The following CHAF1A variants were observed in gnomAD, a reference collection of about 807,000 sequenced individuals.
CHAF1A encodes the protein chromatin assembly factor 1 subunit A, also known as CAF-1 subunit A.
Under a neutral mutation model 93.2 loss-of-function variants are expected in CHAF1A, and 5 were observed. The observed-to-expected ratio is 0.05, with a 90% CI of 0.03 to 0.11. The LOEUF (loss-of-function observed/expected upper bound fraction) is 0.11, where lower values mean the gene tolerates loss of function less well. CHAF1A is among the 10% of genes least tolerant of loss of function. The probability of loss-of-function intolerance (pLI) is 1.00; values close to 1 mark genes in which losing one functional copy is unlikely to be tolerated. For missense variants in CHAF1A, 1,102 were observed against 1,259.9 expected, an observed-to-expected ratio of 0.87 and a Z score of 1.90; for synonymous variants, 504 against 510.3, an observed-to-expected ratio of 0.99 and a Z score of 0.17.
At chr19:4,450,221 CA>C in the CHAF1A span, 2,849 of 49,180 alleles carry the variant, frequency 0.058, 69 homozygotes, top group African/African-American at 0.17. Context: ...GACTCTGTCT[CA>C]AAAAAAAAAA....
downstream of CHAF1A, chr19:4,446,109 C>T (rs1974508466): frequency 6.2e-7 from 1 of 1,612,752 alleles, no homozygotes; most frequent in Middle Eastern, 1.7e-4. Context: ...CTCCCGAGGC[C>T]AGCAGCTCAA....
At chr19:4,447,855 G>A (rs1014018772), downstream of CHAF1A, 12 of 565,116 alleles carry the variant, frequency 2.1e-5, no homozygotes, top group African/African-American at 9.4e-5. Flanking sequence ...ACCCCTCACC[G>A]TCCCACCAGC....
At chr19:4,442,398 C>T in intron 14 of CHAF1A, 57 bp downstream of exon 14, 7 of 1,393,916 alleles carry the variant, frequency 5.0e-6, no homozygotes, top group Non-Finnish European at 7.0e-6. Context: ...GGAGGTAAAC[C>T]TCAACAGAGA....
chr19:4,419,132 A>G (rs1936802644), intron 4 of CHAF1A, among the ~76,000 whole-genome samples: 1 of 144,470 alleles, frequency 6.9e-6, no homozygotes, highest in Admixed American at 7.5e-5. Flanking sequence ...CTCCCGTCTC[A>G]GCCTCCCAAA....
At chr19:4,416,940 G>A (rs2145091236) in intron 3 of CHAF1A, among the ~76,000 whole-genome samples, 1 of 152,166 alleles carries the variant, frequency 6.6e-6, no homozygotes, top group Middle Eastern at 3.4e-3. Context: ...TAGACAGAAT[G>A]TAAATTAGTG....
In CHAF1A at chr19:4,409,015, G is replaced by C. The variant is rs1973738710; in HGVS notation, c.216G>C (p.Leu72Phe). Reference sequence around the variant, plus strand: ...AAAGCCCCGATTTAGAGGCCTCTTTGGACACCTTGGAAAACAACTGTCATG... The same window carrying C: ...AAAGCCCCGATTTAGAGGCCTCTTTCGACACCTTGGAAAACAACTGTCATG... ...QSKSPDLEASLDTLENNCHVG... is the reference protein window; with the variant it reads ...QSKSPDLEASFDTLENNCHVG... The change falls in exon 3 of 15, where the codon TTG (leucine) becomes TTC (phenylalanine). Residue 72 changes from leucine (L) to phenylalanine (F), a missense_variant. By Grantham distance (22) the Leu-to-Phe change is conservative. Around this residue, in one of 6 missense-constraint regions of CHAF1A, gnomAD observed 379 missense variants for 365.7 expected, o/e 1.04. Coordinates refer to ENST00000301280, the MANE Select transcript of CHAF1A (RefSeq NM_005483.3). The C allele has an allele frequency of 6.2e-7, 1 of 1,613,980 alleles. No homozygotes were observed. Among genetic ancestry groups the C allele is most frequent in the African/African-American group, 1.3e-5 (1 of 74,890 alleles).
intron 4 of CHAF1A, among the ~76,000 whole-genome samples, chr19:4,421,746 A>G (rs1175618504): frequency 1.3e-5 from 2 of 152,326 alleles, no homozygotes; most frequent in African/African-American, 2.4e-5. Flanking sequence ...ACTGCACTCC[A>G]CCATGGGCAA....
At chr19:4,438,961 A>G (rs1421951231) in intron 13 of CHAF1A, among the ~76,000 whole-genome samples, 2 of 152,052 alleles carry the variant, frequency 1.3e-5, no homozygotes, top group East Asian at 3.9e-4. Context: ...CAGCCTGGGC[A>G]ACAGAGCGGG....
At chr19:4,417,411 C>T (rs1048447252) in intron 3 of CHAF1A, among the ~76,000 whole-genome samples, 21 of 150,852 alleles carry the variant, frequency 1.4e-4, no homozygotes, top group Non-Finnish European at 1.9e-4. Flanking sequence ...GTCCTCTCTC[C>T]TTTGCTACAA....
chr19:4,433,530 C>G lies in CHAF1A; in HGVS notation c.2664C>G (p.His888Gln), dbSNP rs367905902. 1.3e-6 allele frequency: 2 copies of G among 1,574,748 alleles called. No individual in the cohort carries two copies. The highest frequency in any genetic ancestry group is 2.7e-5 in the African/African-American group (2 of 74,216). The change falls in exon 13 of 15, where the codon CAC becomes CAG. Residue 888 changes from histidine (H) to glutamine (Q), a missense_variant. By Grantham distance (24) the His-to-Gln change is conservative. Coordinates refer to ENST00000301280, the MANE Select transcript of CHAF1A (RefSeq NM_005483.3). This position sits in a 1 kb window ranked among gnomAD's most constrained non-coding sequence, Gnocchi z 5.6. Reference protein sequence around the residue: ...CITQFMKKRRHDGQIGAEDMD... With the variant: ...CITQFMKKRRQDGQIGAEDMD... ...CCCAATTCATGAAGAAGCGCAGGCA[C>G]GACGGCCAGGTGAGGTGGGGTGGGC...
At chr19:4,439,001 C>G (rs1232526416) in intron 13 of CHAF1A, among the ~76,000 whole-genome samples, 1 of 150,866 alleles carries the variant, frequency 6.6e-6, no homozygotes. Context: ...GCATAGATGG[C>G]TGGGTGCAGT....
chr19:4,447,618 C>T (rs767549651), downstream of CHAF1A: 17 of 1,613,878 alleles, frequency 1.1e-5, no homozygotes, highest in East Asian at 8.9e-5. Context: ...TGGATGTTGT[C>T]CAGGTACCTG....
downstream of CHAF1A, chr19:4,445,940 G>A (rs773932661): frequency 4.7e-6 from 7 of 1,480,942 alleles, no homozygotes; most frequent in South Asian, 9.5e-5. Context: ...ACCTGCCCAG[G>A]CCCCCTGCTC....
intron 13 of CHAF1A, among the ~76,000 whole-genome samples, chr19:4,436,705 A>G (rs1974289834): frequency 1.3e-5 from 2 of 152,126 alleles, no homozygotes; most frequent in African/African-American, 4.8e-5. Context: ...TGCTCCACAC[A>G]GTAGTCCAGG....
At chr19:4,446,453 C>T, downstream of CHAF1A, 4 of 1,581,982 alleles carry the variant, frequency 2.5e-6, no homozygotes, top group Non-Finnish European at 3.4e-6. Context: ...GGCCGGGGTT[C>T]TTCCACCCCG....
intron 4 of CHAF1A, among the ~76,000 whole-genome samples, chr19:4,418,701 C>T (rs960611942): frequency 2.1e-4 from 32 of 152,056 alleles, no homozygotes; most frequent in Non-Finnish European, 2.4e-4. Flanking sequence ...AGGTGTGAGC[C>T]GCCGCGCCTG....
At chr19:4,403,856 T>C (rs1331560634) in intron 1 of CHAF1A, among the ~76,000 whole-genome samples, 1 of 152,204 alleles carries the variant, frequency 6.6e-6, no homozygotes, top group Non-Finnish European at 1.5e-5. Context: ...TGTTTAACTT[T>C]ATTTATTTAT....
chr19:4,429,909 T>A, intron 10 of CHAF1A, 121 bp downstream of exon 10: 1 of 839,512 alleles, frequency 1.2e-6, no homozygotes, highest in Non-Finnish European at 1.9e-6. Context: ...GTGTTTGACC[T>A]GCTGTGTGGT....
chr19:4,402,649 G>GCGCTGCGGC lies in CHAF1A; in HGVS notation c.-111_-110insTGCGGCCGC, dbSNP rs1555746361. The GCGCTGCGGC allele has an allele frequency of 1.6e-5, 8 of 507,078 alleles. No homozygotes were observed. In the East Asian group the frequency reaches 3.8e-4, roughly 24 times the overall value. The allele number at this position is 507,078 out of a possible 1,614,324, so 31.4% of individuals were successfully genotyped here. On this transcript the variant is annotated 5_prime_UTR_variant, in exon 1 of 15. Coordinates refer to ENST00000301280, the MANE Select transcript of CHAF1A (RefSeq NM_005483.3). ...TCGCCGCGGTTCCCGCCAAATACGA[G>GCGCTGCGGC]CGCGGCGGCCGCGGCGGCAGCAGCG...
Sources: allele counts gnomAD v4.1 joint callset (sites outside exome capture counted in the v4.1 genomes callset), GRCh38; gene constraint gnomAD v4.1.1; regional missense constraint gnomAD v4.1.1; non-coding constraint Gnocchi (gnomAD v3.1); transcripts MANE v1.5; gene names NCBI Gene and HGNC (gene_info 2026-07-23, HGNC 2026-07-21).